DIP2A: variants seen among roughly 807,000 people sequenced by gnomAD.
DIP2A encodes the protein DIP2 acetate--CoA ligase A, also known as disco-interacting protein 2 homolog A.
A neutral mutation model predicts 177.4 loss-of-function variants in DIP2A; 85 were observed. The observed-to-expected ratio is 0.48, with a 90% CI of 0.40 to 0.57. The LOEUF (loss-of-function observed/expected upper bound fraction) is 0.57, where lower values mean the gene tolerates loss of function less well. Ranked by LOEUF, DIP2A falls within the 20% of genes least tolerant of loss-of-function variation. The pLI, the probability that DIP2A is intolerant of heterozygous loss-of-function variation, is 0.00. For missense variants in DIP2A, 1,791 were observed against 2,100.2 expected, an observed-to-expected ratio of 0.85 and a Z score of 2.88; for synonymous variants, 886 against 881.8, an observed-to-expected ratio of 1.00 and a Z score of -0.08.
Position 46,498,499 on chromosome 21 carries a change from G to T in DIP2A, c.404-83G>T. On this transcript the variant is annotated intron_variant, in intron 4 of 37. Coordinates refer to ENST00000417564, the MANE Select transcript of DIP2A (RefSeq NM_015151.4). The surrounding 1 kb of genome is among the most constrained non-coding windows in gnomAD (Gnocchi z 4.3). ...ACAGAAGCATGCTGCACACAGGTCT[G>T]GGAGGCTCCAGTGTGAGTGGGAACT... The T allele has an allele frequency of 1.3e-6, 2 of 1,499,368 alleles. No individual in the cohort carries two copies. Among genetic ancestry groups the T allele is most frequent in the Non-Finnish European group, 9.0e-7 (1 of 1,106,840 alleles). The allele number at this position is 1,499,368 out of a possible 1,614,324, so 92.9% of individuals were successfully genotyped here.
Position 46,567,651 on chromosome 21 carries a change from A to G in DIP2A, c.*29A>G, listed in dbSNP as rs376255640. Reference sequence around the variant, plus strand: ...CAGCACACCGGCCCAGGTGCCGGAGATGAATGAGCCCCAGCAGTCCAAGGT... The same window carrying G: ...CAGCACACCGGCCCAGGTGCCGGAGGTGAATGAGCCCCAGCAGTCCAAGGT... On this transcript the variant is annotated 3_prime_UTR_variant, in exon 38 of 38. Coordinates refer to ENST00000417564, the MANE Select transcript of DIP2A (RefSeq NM_015151.4). The G allele has an allele frequency of 3.0e-5, 47 of 1,557,118 alleles. No individual in the cohort carries two copies. Among genetic ancestry groups the G allele is most frequent in the Middle Eastern group, 3.5e-4 (2 of 5,764 alleles).
intron 33 of DIP2A, chr21:46,561,142 A>G (rs777359156): frequency 7.7e-6 from 5 of 648,876 alleles, no homozygotes; most frequent in Non-Finnish European, 1.1e-5. Context: ...GGACAGGGAC[A>G]GAGAGAAGAC....
intron 6 of DIP2A, among the ~76,000 whole-genome samples, chr21:46,508,794 A>G (rs2058154901): frequency 6.6e-6 from 1 of 151,378 alleles, no homozygotes; most frequent in South Asian, 2.1e-4. Context: ...AGGCCAAGGC[A>G]GGTGGATCAC....
intron 1 of DIP2A, among the ~76,000 whole-genome samples, chr21:46,467,162 G>A (rs1177035588): frequency 6.6e-6 from 1 of 151,954 alleles, no homozygotes; most frequent in Admixed American, 6.6e-5. Flanking sequence ...CGGGCGTGGT[G>A]GTGGGTGCCT....
intron 6 of DIP2A, 25 bp downstream of exon 6, chr21:46,504,514 G>A (rs568172789): frequency 1.6e-5 from 25 of 1,583,422 alleles, no homozygotes; most frequent in African/African-American, 1.2e-4. Context: ...CTTTCTCCTC[G>A]TGAAATAGCA....
intron 9 of DIP2A, 148 bp downstream of exon 9, chr21:46,529,331 GGC>G (rs1205335590): frequency 1.4e-5 from 8 of 590,334 alleles, no homozygotes; most frequent in Non-Finnish European, 2.0e-5. Context: ...TGGGTGCGGT[GGC>G]TCATGCCTGT....
chr21:46,521,560 C>T (rs938854313), intron 8 of DIP2A, among the ~76,000 whole-genome samples: 6 of 152,196 alleles, frequency 3.9e-5, no homozygotes, highest in African/African-American at 1.4e-4. Context: ...TGCATTAGCG[C>T]ATTATTGATG....
chr21:46,510,627 CTTTTTTT>C (rs3060304), intron 7 of DIP2A, among the ~76,000 whole-genome samples: 6 of 105,708 alleles, frequency 5.7e-5, no homozygotes. Flanking sequence ...ATCAAATAAT[CTTTTTTT>C]TTTTTTTTTT....
At position 46,542,006 on chromosome 21, in the gene DIP2A, T is replaced by TG. The variant is rs931865674; in HGVS notation, c.2176+113dup. On this transcript the variant is annotated intron_variant, in intron 18 of 37. Coordinates refer to ENST00000417564, the MANE Select transcript of DIP2A (RefSeq NM_015151.4). The stretch of plus-strand genomic sequence containing the variant: ...GCTTTGTCACCAGGCTGGAGTGCAG[T>TG]GGTGTGATCTTGGCTCACTGCATCC... The TG allele has an allele frequency of 5.2e-6, 7 of 1,358,024 alleles. No individual in the cohort carries two copies. The African/African-American group carries it at 8.6e-5, about 17-fold the overall frequency. The allele number at this position is 1,358,024 out of a possible 1,614,324, so 84.1% of individuals were successfully genotyped here. A position where few individuals can be genotyped will look rare whatever the true frequency, so the allele number is the denominator to read the frequency against.
rs779604607 is a variant in DIP2A, at chr21:46,556,022, C to T, written c.3429C>T (p.Pro1143=). ...PKKKIASVFR[P]PSPDVLAYLD... Reference sequence around the variant, plus strand: ...AGAAGATAGCAAGCGTTTTCAGGCCCCCCTCCCCCGATGTCCTCGCATACT... The same window carrying T: ...AGAAGATAGCAAGCGTTTTCAGGCCTCCCTCCCCCGATGTCCTCGCATACT... Residue 1143 remains proline, a synonymous_variant, in exon 29 of 38, where the codon CCC becomes CCT. Transcript: ENST00000417564. The surrounding 1 kb of genome is among the most constrained non-coding windows in gnomAD (Gnocchi z 4.5). 1.2e-6 allele frequency: 2 copies of T among 1,613,924 alleles called. No homozygotes were observed. The highest frequency in any genetic ancestry group is 2.2e-5 in the East Asian group (1 of 44,868).
At chr21:46,546,447 C>T (rs986986873) in intron 20 of DIP2A, 2 of 351,790 alleles carry the variant, frequency 5.7e-6, no homozygotes, top group African/African-American at 2.2e-5. Context: ...TACCTAGAGG[C>T]CAGAGATGCT....
Position 46,557,819 on chromosome 21 carries a change from C to T in DIP2A, c.3798+66C>T. On this transcript the variant is annotated intron_variant, in intron 31 of 37. Transcript: ENST00000417564. This position sits in a 1 kb window ranked among gnomAD's most constrained non-coding sequence, Gnocchi z 6.0. ...ACAGCCCTGGGAAGTTTAAAAACAA[C>T]AAAACAAAACAAGACTCCCAAGGCC... The T allele has an allele frequency of 6.5e-7, 1 of 1,534,904 alleles. No homozygotes were observed. The highest frequency in any genetic ancestry group is 1.2e-5 in the South Asian group (1 of 82,968).
chr21:46,525,249 C>G (rs1663243728), intron 8 of DIP2A, among the ~76,000 whole-genome samples: 2 of 152,040 alleles, frequency 1.3e-5, no homozygotes, highest in African/African-American at 4.8e-5. Context: ...AAACATTATT[C>G]CATTAATTTG....
At chr21:46,561,637 C>A in intron 33 of DIP2A, 111 bp from the exon 34 acceptor site, 1 of 1,350,242 alleles carries the variant, frequency 7.4e-7, no homozygotes, top group Non-Finnish European at 1.1e-6. Flanking sequence ...GACATCCTGA[C>A]TGTTGTCAAC....
At chr21:46,576,737 A>G in the DIP2A span, among the ~76,000 whole-genome samples, 5 of 152,210 alleles carry the variant, frequency 3.3e-5, no homozygotes, top group African/African-American at 7.2e-5. Context: ...TTGCATTCCC[A>G]TCAACACTGT....
chr21:46,571,572 C>T (rs1601884978), downstream of DIP2A, among the ~76,000 whole-genome samples: 1 of 152,232 alleles, frequency 6.6e-6, no homozygotes, highest in East Asian at 1.9e-4. Flanking sequence ...TCTCCTATTC[C>T]CTTGTGCAGT....
chr21:46,556,743 T>G lies in DIP2A; in HGVS notation c.3499-196T>G. ...TTACCCTGAAATTTTGTTTCAAAGA[T>G]TTTTAGTGTACCATTTCTTGGGTAT... is the stretch of plus-strand genomic sequence containing the variant. On this transcript the variant is annotated intron_variant, in intron 29 of 37. Coordinates refer to ENST00000417564, the MANE Select transcript of DIP2A (RefSeq NM_015151.4). This position sits in a 1 kb window ranked among gnomAD's most constrained non-coding sequence, Gnocchi z 4.5. The G allele has an allele frequency of 3.6e-6, 2 of 550,142 alleles. No individual in the cohort carries two copies. The highest frequency in any genetic ancestry group is 3.0e-5 in the East Asian group (1 of 33,314). The allele number at this position is 550,142 out of a possible 1,614,324, so 34.1% of individuals were successfully genotyped here.
In DIP2A at chr21:46,556,082, G is replaced by A. The variant is rs553710269; in HGVS notation, c.3489G>A (p.Ala1163=). 2.9e-5 allele frequency: 46 copies of A among 1,613,526 alleles called. No individual in the cohort carries two copies. The highest frequency in any genetic ancestry group is 2.2e-4 in the East Asian group (10 of 44,874). ...DFSVSTTGIL[A]GVKMSHAATS... is the part of the protein sequence containing the mutation. ...GCGTGTCAACCACTGGGATATTAGC[G>A]GGAGTGAAGGTAGGTCCTCTGAAAT... Residue 1163 remains alanine (A), a synonymous_variant, in exon 29 of 38, where the codon GCG becomes GCA. Transcript: ENST00000417564. The surrounding 1 kb of genome is among the most constrained non-coding windows in gnomAD (Gnocchi z 4.5).
downstream of DIP2A, among the ~76,000 whole-genome samples, chr21:46,573,645 C>CCAAAAAAAAAAAAAAAAAAAAAAAA (rs2060979503): frequency 1.9e-5 from 1 of 52,960 alleles, no homozygotes; most frequent in Non-Finnish European, 3.4e-5. Flanking sequence ...CCCTCTCTCA[C>CCAAAAAAAAAAAAAAAAAAAAAAAA]AAAAAAAAAA....
Sources: gnomAD v4.1 joint callset for allele counts (sites outside exome capture counted in the v4.1 genomes callset) on GRCh38, gnomAD v4.1.1 for gene constraint, Gnocchi (gnomAD v3.1) non-coding constraint, MANE v1.5 for transcripts, NCBI Gene and HGNC (gene_info 2026-07-23, HGNC 2026-07-21) for gene names.